DGKB: variants seen among roughly 807,000 people sequenced by gnomAD.
The protein encoded by DGKB is 90 kDa diacylglycerol kinase.
Under a neutral mutation model 114.3 loss-of-function variants are expected in DGKB, and 67 were observed. The ratio of observed to expected loss-of-function variants is 0.59; its 90% CI spans 0.48 to 0.72. The LOEUF (loss-of-function observed/expected upper bound fraction) is 0.72. DGKB is among the 30% of genes least tolerant of loss of function. The pLI, the probability that DGKB is intolerant of heterozygous loss-of-function variation, is 0.00. For missense variants in DGKB, 907 were observed against 975.2 expected (o/e 0.93, Z 0.93); for synonymous variants, 398 against 323.1 (o/e 1.23, Z -2.49).
intron 17 of DGKB, among the ~76,000 whole-genome samples, chr7:14,597,807 G>C (rs893889644): frequency 6.6e-6 from 1 of 152,028 alleles, no homozygotes; most frequent in Non-Finnish European, 1.5e-5. Context: ...ATCAGTAGGA[G>C]AATAACTGAA....
chr7:14,750,008 T>C, intron 4 of DGKB: 1 of 448,084 alleles, frequency 2.2e-6, no homozygotes, highest in Non-Finnish European at 4.5e-6. Context: ...CAGGTCCTCA[T>C]TATGTAACAC....
chr7:14,934,055 C>T (rs1159184024), intron 1 of DGKB, among the ~76,000 whole-genome samples: 1 of 151,920 alleles, frequency 6.6e-6, no homozygotes, highest in Non-Finnish European at 1.5e-5. Flanking sequence ...GGCCTGAATA[C>T]CCTTTTGTTG....
chr7:14,246,179 TTTTC>T (rs778721952), intron 23 of DGKB, among the ~76,000 whole-genome samples: 5 of 152,124 alleles, frequency 3.3e-5, no homozygotes, highest in African/African-American at 9.7e-5. Context: ...CTTGAATGGG[TTTTC>T]TTTATCAGTA....
intron 1 of DGKB, among the ~76,000 whole-genome samples, chr7:14,864,317 C>A (rs1169492418): frequency 2.0e-5 from 3 of 152,056 alleles, no homozygotes; most frequent in Non-Finnish European, 4.4e-5. Flanking sequence ...AACAAACATA[C>A]ACATGCACAT....
intron 1 of DGKB, among the ~76,000 whole-genome samples, chr7:14,940,512 G>C (rs1016829132): frequency 2.6e-5 from 4 of 151,892 alleles, no homozygotes; most frequent in African/African-American, 9.7e-5. Context: ...CATCAAAATT[G>C]ACTGCAAAAA....
intron 20 of DGKB, among the ~76,000 whole-genome samples, chr7:14,492,515 G>T (rs1382469275): frequency 6.6e-6 from 1 of 152,040 alleles, no homozygotes; most frequent in Non-Finnish European, 1.5e-5. Flanking sequence ...ATTGTTTGAA[G>T]AAAAGAAAAT....
At chr7:14,760,336 AAAC>A (rs1835503785) in intron 2 of DGKB, among the ~76,000 whole-genome samples, 1 of 152,178 alleles carries the variant, frequency 6.6e-6, no homozygotes, top group Non-Finnish European at 1.5e-5. Flanking sequence ...CACAAAGTTG[AAAC>A]AATAGCATTG....
chr7:14,523,114 C>T (rs539992882), intron 20 of DGKB, among the ~76,000 whole-genome samples: 40 of 152,150 alleles, frequency 2.6e-4, no homozygotes, highest in African/African-American at 9.4e-4. Context: ...AAGCTGTGAA[C>T]CAAGATTAAA....
intron 23 of DGKB, among the ~76,000 whole-genome samples, chr7:14,271,585 A>G (rs1798272341): frequency 6.6e-6 from 1 of 152,234 alleles, no homozygotes; most frequent in Non-Finnish European, 1.5e-5. Flanking sequence ...TCCCAGGCAG[A>G]CAATGGAGCC....
At chr7:14,262,098 G>A (rs1442035204) in intron 23 of DGKB, among the ~76,000 whole-genome samples, 2 of 152,156 alleles carry the variant, frequency 1.3e-5, no homozygotes, top group Non-Finnish European at 2.9e-5. Context: ...GTAAGGCAGA[G>A]GGGTCCTCTG....
At chr7:14,412,485 G>C (rs768736468) in intron 21 of DGKB, among the ~76,000 whole-genome samples, 16 of 152,168 alleles carry the variant, frequency 1.1e-4, no homozygotes, top group Non-Finnish European at 2.2e-4. Context: ...GGAGGAAAGA[G>C]AGCCCGGGGA....
chr7:14,187,667 A>G lies in DGKB; in HGVS notation c.2123-9516T>C, dbSNP rs113481748. ...CTGAGTCGACCTAGAGCTAAAGCCA[A>G]TGCACCACATTTAACACTAGGACTT... On this transcript the variant is annotated intron_variant, in intron 23 of 25. Coordinates refer to ENST00000402815, the MANE Select transcript of DGKB (RefSeq NM_001350709.2). 6.0e-3 allele frequency among the ~76,000 whole-genome samples: 918 copies of G among 152,324 alleles called. 7 individuals are homozygous for G. The highest frequency in any genetic ancestry group is 0.021 in the African/African-American group (868 of 41,568).
intron 2 of DGKB, among the ~76,000 whole-genome samples, chr7:14,832,530 A>C (rs566698934): frequency 2.0e-5 from 3 of 152,156 alleles, no homozygotes; most frequent in African/African-American, 7.2e-5. Flanking sequence ...TTTTAAAAAA[A>C]TCCATATTAA....
intron 25 of DGKB, among the ~76,000 whole-genome samples, chr7:14,152,927 C>T (rs1782441196): frequency 6.6e-6 from 1 of 152,068 alleles, no homozygotes; most frequent in South Asian, 2.1e-4. Flanking sequence ...TCAGGTGCCC[C>T]CTATTTCATC....
At chr7:14,212,430 A>ACTCTCGTGTTTTGTGAT (rs1562634505) in intron 23 of DGKB, among the ~76,000 whole-genome samples, 2 of 61,356 alleles carry the variant, frequency 3.3e-5, no homozygotes, top group Admixed American at 1.3e-4. Flanking sequence ...GTTTTGTGAT[A>ACTCTCGTGTTTTGTGAT]TTTACTCTCA....
At chr7:14,316,307 G>C (rs1259999088) in intron 23 of DGKB, among the ~76,000 whole-genome samples, 9 of 143,992 alleles carry the variant, frequency 6.3e-5, no homozygotes, top group Admixed American at 3.5e-4. Context: ...AGGAAATAGA[G>C]ACACAAAAAA....
At chr7:14,774,749 A>G (rs1377573549) in intron 2 of DGKB, among the ~76,000 whole-genome samples, 1 of 152,114 alleles carries the variant, frequency 6.6e-6, no homozygotes, top group African/African-American at 2.4e-5. Context: ...ATTTATCTCA[A>G]TTTTTGAGAT....
At chr7:14,298,130 C>T (rs934201218) in intron 23 of DGKB, among the ~76,000 whole-genome samples, 21 of 152,134 alleles carry the variant, frequency 1.4e-4, no homozygotes, top group African/African-American at 5.1e-4. Context: ...GCCATACTGC[C>T]CAAAGTAATT....
chr7:14,679,939 C>A (rs961689782), intron 12 of DGKB, among the ~76,000 whole-genome samples: 2 of 151,898 alleles, frequency 1.3e-5, no homozygotes, highest in Admixed American at 1.3e-4. Context: ...AAATCCGGAA[C>A]TGGATGGAGG....
Sources: gnomAD v4.1 joint callset for allele counts (sites outside exome capture counted in the v4.1 genomes callset) on GRCh38, gnomAD v4.1.1 for gene constraint, MANE v1.5 for transcripts, NCBI Gene and HGNC (gene_info 2026-07-23, HGNC 2026-07-21) for gene names.